Variants in LRFN2 observed in about 807,000 individuals in gnomAD.
LRFN2 encodes leucine-rich repeat and fibronectin type-III domain-containing protein 2.
Under a neutral mutation model 37.3 loss-of-function variants are expected in LRFN2, and 18 were observed. The observed-to-expected ratio is 0.48, with a 90% CI of 0.33 to 0.72. LRFN2 has a LOEUF of 0.72. LRFN2 is among the 30% of genes least tolerant of loss of function. The pLI is 0.02. For missense variants in LRFN2, 1,006 were observed against 1,060.7 expected (o/e 0.95, Z 0.72); for synonymous variants, 556 against 466.6 (o/e 1.19, Z -2.47).
intron 1 of LRFN2, among the ~76,000 whole-genome samples, chr6:40,516,003 TC>T (rs987351672): frequency 3.3e-5 from 5 of 152,070 alleles, no homozygotes; most frequent in Non-Finnish European, 5.9e-5. Flanking sequence ...CTTGATGGTT[TC>T]CCAGGGGGAT....
intron 1 of LRFN2, among the ~76,000 whole-genome samples, chr6:40,460,891 T>C (rs1764332669): frequency 6.6e-6 from 1 of 152,218 alleles, no homozygotes; most frequent in Non-Finnish European, 1.5e-5. Flanking sequence ...GCAGAGAATA[T>C]ATGCTTGTTC....
chr6:40,457,108 C>T (rs1764250669), intron 1 of LRFN2, among the ~76,000 whole-genome samples: 1 of 151,824 alleles, frequency 6.6e-6, no homozygotes, highest in Non-Finnish European at 1.5e-5. Context: ...TCAAAACATA[C>T]CTGTTCTAAT....
intron 2 of LRFN2, among the ~76,000 whole-genome samples, chr6:40,422,881 A>G (rs867054944): frequency 1.3e-5 from 2 of 152,218 alleles, no homozygotes; most frequent in South Asian, 4.1e-4. Flanking sequence ...TTCAGAAAAG[A>G]GGGAGACTGG....
intron 1 of LRFN2, among the ~76,000 whole-genome samples, chr6:40,570,969 C>T (rs556134379): frequency 1.9e-3 from 294 of 152,260 alleles, no homozygotes; most frequent in African/African-American, 6.4e-3. Context: ...GCAAGGTGTG[C>T]GCATTGTCTA....
At chr6:40,466,680 G>A (rs941458460) in intron 1 of LRFN2, among the ~76,000 whole-genome samples, 4 of 152,104 alleles carry the variant, frequency 2.6e-5, no homozygotes, top group African/African-American at 9.7e-5. Flanking sequence ...CCCTATGCAA[G>A]TCACCCCAGG....
At chr6:40,461,567 C>T (rs2113850200) in intron 1 of LRFN2, among the ~76,000 whole-genome samples, 1 of 150,538 alleles carries the variant, frequency 6.6e-6, no homozygotes, top group South Asian at 2.1e-4. Context: ...ATCAAATCCC[C>T]AGCCACCCCC....
At chr6:40,407,094 C>A (rs1246512192) in intron 2 of LRFN2, among the ~76,000 whole-genome samples, 2 of 152,186 alleles carry the variant, frequency 1.3e-5, no homozygotes, top group Admixed American at 1.3e-4. Flanking sequence ...TGCTGTTAAG[C>A]CACATTGCTT....
chr6:40,413,634 C>T (rs1251451536), intron 2 of LRFN2, among the ~76,000 whole-genome samples: 1 of 152,162 alleles, frequency 6.6e-6, no homozygotes, highest in Non-Finnish European at 1.5e-5. Flanking sequence ...ATCTTCCCAG[C>T]ATGGAGAAGG....
intron 1 of LRFN2, among the ~76,000 whole-genome samples, chr6:40,551,430 A>G (rs1766776801): frequency 6.6e-6 from 1 of 152,230 alleles, no homozygotes; most frequent in Non-Finnish European, 1.5e-5. Context: ...GGCCTGCTCA[A>G]GCTTCTCCTG....
intron 2 of LRFN2, among the ~76,000 whole-genome samples, chr6:40,419,910 C>G (rs9367056): frequency 0.53 from 80,675 of 152,072 alleles, 21,827 homozygotes; most frequent in Non-Finnish European, 0.57. Context: ...TAACCTTTTG[C>G]GGGGCTAATT....
chr6:40,530,676 C>G (rs1766327074), intron 1 of LRFN2, among the ~76,000 whole-genome samples: 1 of 152,042 alleles, frequency 6.6e-6, no homozygotes, highest in African/African-American at 2.4e-5. Flanking sequence ...TCACTCTCCA[C>G]ACTCCACGTG....
In LRFN2 at chr6:40,392,387, G is replaced by T. The variant is rs774555383; in HGVS notation, c.1926C>A (p.Ile642=). The part of the protein sequence containing the change: ...AAGLGRAPWR[I]PPSAPRPKPS... ...GCTTGGGGCGCGGGGCGGAGGGTGG[G>T]ATCCTCCAGGGGGCCCGTCCCAGCC... Residue 642 remains isoleucine (I), a synonymous_variant, in exon 3 of 3, where the codon ATC becomes ATA. Coordinates refer to ENST00000338305, the MANE Select transcript of LRFN2 (RefSeq NM_020737.3). The surrounding 1 kb of genome is among the most constrained non-coding windows in gnomAD (Gnocchi z 4.7). 54 of 1,585,670 alleles carry T rather than the reference G, an allele frequency of 3.4e-5. No homozygotes were observed. Among genetic ancestry groups the T allele is most frequent in the Non-Finnish European group, 4.5e-5 (53 of 1,166,356 alleles).
chr6:40,507,513 G>C (rs1010920337), intron 1 of LRFN2, among the ~76,000 whole-genome samples: 2 of 152,178 alleles, frequency 1.3e-5, no homozygotes, highest in East Asian at 1.9e-4. Flanking sequence ...ATGGGAGTGC[G>C]GATTAAAGGT....
At chr6:40,401,162 C>T (rs1436127120) in intron 2 of LRFN2, among the ~76,000 whole-genome samples, 1 of 105,394 alleles carries the variant, frequency 9.5e-6, no homozygotes, top group African/African-American at 3.3e-5. Context: ...TGGGAGTTTC[C>T]ACCTGGTCCT....
Position 40,400,758 on chromosome 6 carries a change from A to G in LRFN2, c.1401-7846T>C, listed in dbSNP as rs755373382. Reference sequence around the variant, plus strand: ...TTTCTATATCCTTGAGGCTTACTGCAAGGGCTCCTGAAAACCTTTCATGGA... The same window carrying G: ...TTTCTATATCCTTGAGGCTTACTGCGAGGGCTCCTGAAAACCTTTCATGGA... On this transcript the variant is annotated intron_variant, in intron 2 of 2. Transcript: ENST00000338305. Among the ~76,000 whole-genome samples, 29 of 151,704 alleles carry G rather than the reference A, an allele frequency of 1.9e-4. 1 individual carries two copies. Among genetic ancestry groups the G allele is most frequent in the Admixed American group, 3.3e-4 (5 of 15,228 alleles).
intron 1 of LRFN2, among the ~76,000 whole-genome samples, chr6:40,554,772 C>T (rs532028034): frequency 1.3e-5 from 2 of 152,214 alleles, no homozygotes; most frequent in East Asian, 3.9e-4. Flanking sequence ...TCTGAAAAAT[C>T]GCTCTTGTCC....
chr6:40,493,214 T>C (rs1340954378), intron 1 of LRFN2, among the ~76,000 whole-genome samples: 2 of 151,922 alleles, frequency 1.3e-5, no homozygotes, highest in African/African-American at 4.9e-5. Context: ...CCTCTATAGA[T>C]GCCCCCTGCC....
At chr6:40,483,532 C>A (rs900272011) in intron 1 of LRFN2, among the ~76,000 whole-genome samples, 1 of 152,220 alleles carries the variant, frequency 6.6e-6, no homozygotes, top group Non-Finnish European at 1.5e-5. Flanking sequence ...GCAACGGATC[C>A]ATTTATTGAG....
At chr6:40,507,174 C>A (rs916285596) in intron 1 of LRFN2, among the ~76,000 whole-genome samples, 1 of 152,192 alleles carries the variant, frequency 6.6e-6, no homozygotes, top group Non-Finnish European at 1.5e-5. Context: ...CTCTACTAGA[C>A]CGTAAGAGCC....
Sources: gnomAD v4.1 joint callset for allele counts (sites outside exome capture counted in the v4.1 genomes callset) on GRCh38, gnomAD v4.1.1 for gene constraint, Gnocchi (gnomAD v3.1) non-coding constraint, MANE v1.5 for transcripts, NCBI Gene and HGNC (gene_info 2026-07-23, HGNC 2026-07-21) for gene names.